MMUT: variants seen among roughly 807,000 people sequenced by gnomAD.
MMUT encodes methylmalonyl-CoA mutase.
Under a neutral mutation model 79.9 loss-of-function variants are expected in MMUT, and 79 were observed. That is an observed-to-expected ratio of 0.99 (90% CI 0.82 to 1.19). MMUT has a LOEUF of 1.19. MMUT is among the 50% of genes most tolerant of loss of function. The pLI, the probability that MMUT is intolerant of heterozygous loss-of-function variation, is 0.00. For synonymous variants in MMUT, 273 were observed against 295.7 expected, an observed-to-expected ratio of 0.92 and a Z score of 0.79; for missense variants, 860 against 917.2, an observed-to-expected ratio of 0.94 and a Z score of 0.81.
At chr6:49,451,976 CTATAAG>C (rs970597056) in intron 5 of MMUT, among the ~76,000 whole-genome samples, 51 of 152,274 alleles carry the variant, frequency 3.3e-4, no homozygotes, top group Middle Eastern at 6.8e-3. Context: ...AAATACTTTT[CTATAAG>C]TATATCAACA....
chr6:49,432,604 G>A (rs555211048), intron 12 of MMUT, among the ~76,000 whole-genome samples: 1 of 152,102 alleles, frequency 6.6e-6, no homozygotes, highest in Non-Finnish European at 1.5e-5. Flanking sequence ...AGCCAGGATG[G>A]TCTCAATCTC....
At chr6:49,433,786 T>C (rs79666796) in intron 12 of MMUT, among the ~76,000 whole-genome samples, 2,290 of 152,288 alleles carry the variant, frequency 0.015, 22 homozygotes, top group Non-Finnish European at 0.022. Flanking sequence ...TGACCTTTAA[T>C]TGAATAATAG....
In MMUT at chr6:49,451,606, T is replaced by C; in HGVS notation, c.1192A>G (p.Thr398Ala). ...CTGGCAATTCGAGCACTTTTCACAG[T>C]TGGCAAACCCAAAGCTTCATCAAAA... Reference protein sequence around the residue: ...NSFDEALGLPTVKSARIARNT... With the variant: ...NSFDEALGLPAVKSARIARNT... Residue 398 changes from threonine to alanine, a missense_variant, in exon 6 of 13, where the codon ACT becomes GCT. By Grantham distance (58) the Thr-to-Ala change is moderately conservative. Coordinates refer to ENST00000274813, the MANE Select transcript of MMUT (RefSeq NM_000255.4). The C allele has an allele frequency of 1.2e-6, 2 of 1,614,180 alleles. No homozygotes were observed. The highest frequency in any genetic ancestry group is 1.7e-6 in the Non-Finnish European group (2 of 1,180,018).
At chr6:49,434,134 G>A (rs1011864951) in intron 12 of MMUT, among the ~76,000 whole-genome samples, 14 of 151,730 alleles carry the variant, frequency 9.2e-5, no homozygotes, top group Admixed American at 2.6e-4. Context: ...ATCATGCCTA[G>A]GTATCACAGA....
chr6:49,456,231 G>T lies in MMUT; in HGVS notation c.760C>A (p.Pro254Thr). The T allele has an allele frequency of 6.2e-7, 1 of 1,608,178 alleles. No individual in the cohort carries two copies. Among genetic ancestry groups the T allele is most frequent in the Non-Finnish European group, 8.5e-7 (1 of 1,175,138 alleles). Residue 254 changes from proline to threonine, a missense_variant, in exon 4 of 13, where the codon CCA becomes ACA. By Grantham distance (38) the Pro-to-Thr change is conservative. Coordinates refer to ENST00000274813, the MANE Select transcript of MMUT (RefSeq NM_000255.4). ...DIFEYTAKHMPKFNSISISGY... is the reference protein window; with the variant it reads ...DIFEYTAKHMTKFNSISISGY... ...CTAATTGAAATTGAATTAAATTTTGGCATGTGCTACATAAAAAAAAAAATT... is the reference window on the plus strand; with the variant it reads ...CTAATTGAAATTGAATTAAATTTTGTCATGTGCTACATAAAAAAAAAAATT...
intron 11 of MMUT, among the ~76,000 whole-genome samples, chr6:49,437,602 A>C (rs1254312567): frequency 6.6e-6 from 1 of 152,142 alleles, no homozygotes. Context: ...ATTCTTAAAA[A>C]TTTAATTCCT....
At chr6:49,432,091 C>T (rs1013901592) in intron 12 of MMUT, among the ~76,000 whole-genome samples, 3 of 152,126 alleles carry the variant, frequency 2.0e-5, no homozygotes, top group African/African-American at 4.8e-5. Flanking sequence ...TTTCTAAATG[C>T]CTCTATGTGT....
rs1289506517 is a variant in MMUT at position 49,434,142 on chromosome 6, A to G, written c.2124+1314T>C. Among the ~76,000 whole-genome samples, 5 of 152,142 alleles carry G rather than the reference A, an allele frequency of 3.3e-5. No homozygotes were observed. In the East Asian group the frequency reaches 7.7e-4, roughly 23 times the overall value. ...TTTTAATATCATGCCTAGGTATCAC[A>G]GACTCTAAAACTGCAACGCTGATAG... On this transcript the variant is annotated intron_variant, in intron 12 of 12. Transcript: ENST00000274813.
intron 2 of MMUT, among the ~76,000 whole-genome samples, chr6:49,458,316 A>C (rs1767748646): frequency 6.6e-6 from 1 of 152,220 alleles, no homozygotes; most frequent in South Asian, 2.1e-4. Context: ...AGAAACAACA[A>C]ATCTCAATCA....
chr6:49,435,038 A>G (rs985893963), intron 12 of MMUT, among the ~76,000 whole-genome samples: 3 of 151,974 alleles, frequency 2.0e-5, no homozygotes, highest in Admixed American at 1.3e-4. Context: ...GACTCATTCC[A>G]CCCCCCAGGA....
chr6:49,458,081 T>G (rs753457133), intron 2 of MMUT, 23 bp from the exon 3 acceptor site: 2 of 1,597,354 alleles, frequency 1.3e-6, no homozygotes, highest in Non-Finnish European at 1.7e-6. Context: ...AGAAAAATAA[T>G]GTAAGATTCA....
At position 49,463,150 on chromosome 6, in the gene MMUT, C is replaced by G. The variant is rs1044082863; in HGVS notation, c.-87G>C. 1 of 152,376 alleles carries G rather than the reference C, an allele frequency of 6.6e-6. No homozygotes were observed. Among genetic ancestry groups the G allele is most frequent in the Non-Finnish European group, 1.5e-5 (1 of 68,176 alleles). The allele number at this position is 152,376 out of a possible 1,614,324, so 9.4% of individuals were successfully genotyped here. On this transcript the variant is annotated 5_prime_UTR_variant, in exon 1 of 13. Coordinates refer to ENST00000274813, the MANE Select transcript of MMUT (RefSeq NM_000255.4). Reference sequence around the variant, plus strand: ...GCTGTGGGAGAGGGCGGCTGCACTTCTGCGTCCCCCGCCTCACCTGTCAGA... The same window carrying G: ...GCTGTGGGAGAGGGCGGCTGCACTTGTGCGTCCCCCGCCTCACCTGTCAGA...
At chr6:49,439,978 C>A (rs750533545) in intron 11 of MMUT, among the ~76,000 whole-genome samples, 2 of 152,208 alleles carry the variant, frequency 1.3e-5, no homozygotes, top group African/African-American at 4.8e-5. Context: ...TAAACCCCTG[C>A]AGTAGGACAG....
chr6:49,452,432 A>C (rs1399503286), intron 5 of MMUT, among the ~76,000 whole-genome samples: 3 of 151,980 alleles, frequency 2.0e-5, no homozygotes, highest in Non-Finnish European at 4.4e-5. Context: ...TCCCGGGTTC[A>C]CTCCAATCTC....
At chr6:49,440,419 TA>T in intron 10 of MMUT, 66 bp from the exon 11 acceptor site, 1 of 1,476,532 alleles carries the variant, frequency 6.8e-7, no homozygotes, top group Non-Finnish European at 9.4e-7. Context: ...ATATAAAAAC[TA>T]ATTTATTCAC....
chr6:49,444,903 A>C, intron 8 of MMUT, 149 bp from the exon 9 acceptor site: 1 of 585,672 alleles, frequency 1.7e-6, no homozygotes. Flanking sequence ...AGAATAATAT[A>C]TAACCTAGGA....
At chr6:49,447,099 A>G (rs1767428342) in intron 8 of MMUT, among the ~76,000 whole-genome samples, 1 of 151,938 alleles carries the variant, frequency 6.6e-6, no homozygotes, top group African/African-American at 2.4e-5. Flanking sequence ...CAAACTAAAA[A>G]TAAGAAGGGA....
chr6:49,448,248 C>G (rs557888132), intron 7 of MMUT, among the ~76,000 whole-genome samples: 1 of 152,144 alleles, frequency 6.6e-6, no homozygotes, highest in African/African-American at 2.4e-5. Context: ...TATTTTACCT[C>G]AAACTACCAG....
intron 5 of MMUT, 80 bp downstream of exon 5, chr6:49,453,505 T>C (rs1767608295): frequency 4.6e-6 from 3 of 658,168 alleles, no homozygotes; most frequent in Non-Finnish European, 6.9e-6. Flanking sequence ...TAATTCTATT[T>C]CCTGCTTGTG....
Sources: allele counts gnomAD v4.1 joint callset (sites outside exome capture counted in the v4.1 genomes callset), GRCh38; gene constraint gnomAD v4.1.1; transcripts MANE v1.5; gene names NCBI Gene and HGNC (gene_info 2026-07-23, HGNC 2026-07-21).